EPHX4: variants seen among roughly 807,000 people sequenced by gnomAD.
The protein encoded by EPHX4 is epoxide hydrolase 4, also known as abhydrolase domain containing 7.
A neutral mutation model predicts 44.9 loss-of-function variants in EPHX4; 31 were observed. That is an observed-to-expected ratio of 0.69 (90% CI 0.52 to 0.93). EPHX4 has a LOEUF of 0.93. Among genes scored for constraint, EPHX4 ranks in the 40% least tolerant of loss-of-function variants. EPHX4 has a pLI of 0.00. For synonymous variants in EPHX4, 151 were observed against 159.7 expected, an observed-to-expected ratio of 0.95 and a Z score of 0.41; for missense variants, 373 against 438.1, an observed-to-expected ratio of 0.85 and a Z score of 1.33.
At chr1:92,030,483 T>TGTGTGTGA (rs745435867) in intron 1 of EPHX4, among the ~76,000 whole-genome samples, 173 bp downstream of exon 1, 10 of 138,652 alleles carry the variant, frequency 7.2e-5, no homozygotes, top group Admixed American at 2.1e-4. Context: ...TGTGTGTGTG[T>TGTGTGTGA]GTGAGAGAGA....
chr1:92,058,382 G>T (rs1647418020), intron 6 of EPHX4, among the ~76,000 whole-genome samples: 1 of 151,550 alleles, frequency 6.6e-6, no homozygotes, highest in Admixed American at 6.6e-5. Context: ...TGGAGGTTGT[G>T]GTGAGCCAAG....
chr1:92,062,832 C>T (rs1243586713), intron 6 of EPHX4, among the ~76,000 whole-genome samples: 1 of 151,938 alleles, frequency 6.6e-6, no homozygotes, highest in East Asian at 1.9e-4. Context: ...CCCTAATCAC[C>T]CCCACCCTGT....
rs541515817 is a variant in EPHX4, at chr1:92,049,853, C to CT, written c.605-461dup. Among the ~76,000 whole-genome samples, 735 of 152,204 alleles carry CT rather than the reference C, an allele frequency of 4.8e-3. 4 individuals carry two copies. Among genetic ancestry groups the CT allele is most frequent in the South Asian group, 0.017 (83 of 4,820 alleles). On this transcript the variant is annotated intron_variant, in intron 4 of 6. Coordinates refer to ENST00000370383, the MANE Select transcript of EPHX4 (RefSeq NM_173567.5). ...GTGGCTCATGCCTGTAATCCCAGCA[C>CT]TTTGGGAGGCCGAGGTGGGCAGATC...
At chr1:92,032,681 T>G in intron 2 of EPHX4, 91 bp downstream of exon 2, 1 of 1,077,756 alleles carries the variant, frequency 9.3e-7, no homozygotes. Context: ...TATCACAGTC[T>G]GGGTAACTTA....
At chr1:92,049,764 C>T (rs1647213872) in intron 4 of EPHX4, among the ~76,000 whole-genome samples, 1 of 152,086 alleles carries the variant, frequency 6.6e-6, no homozygotes, top group Non-Finnish European at 1.5e-5. Flanking sequence ...CTTCCTGTTC[C>T]CTTTTGAGTC....
chr1:92,053,478 G>A (rs1647300590), intron 6 of EPHX4, among the ~76,000 whole-genome samples: 1 of 152,158 alleles, frequency 6.6e-6, no homozygotes, highest in Non-Finnish European at 1.5e-5. Flanking sequence ...CAACCTACAT[G>A]TGTATTTGAA....
intron 6 of EPHX4, among the ~76,000 whole-genome samples, chr1:92,055,118 A>G (rs1647334074): frequency 6.6e-6 from 1 of 152,218 alleles, no homozygotes; most frequent in African/African-American, 2.4e-5. Flanking sequence ...ACTATCAAAA[A>G]GGCAGAAAGG....
At chr1:92,059,746 G>T (rs1357399837) in intron 6 of EPHX4, among the ~76,000 whole-genome samples, 2 of 151,870 alleles carry the variant, frequency 1.3e-5, no homozygotes, top group Non-Finnish European at 2.9e-5. Context: ...AAATTCTAAG[G>T]CATATAGGAA....
chr1:92,063,175 C>T lies in EPHX4; in HGVS notation c.978C>T (p.Phe326=), dbSNP rs1178673796. 2 of 1,614,126 alleles carry T rather than the reference C, an allele frequency of 1.2e-6. No homozygotes were observed. The highest frequency in any genetic ancestry group is 1.7e-6 in the Non-Finnish European group (2 of 1,180,006). Residue 326 remains phenylalanine, a synonymous_variant, in exon 7 of 7, where the codon TTC becomes TTT. Coordinates refer to ENST00000370383, the MANE Select transcript of EPHX4 (RefSeq NM_173567.5). ...EVTKIYVKNY[F]RLTILSEASH... ...CAAAGATTTATGTTAAAAACTATTT[C>T]AGGCTAACTATTTTGTCAGAAGCCA...
chr1:92,033,434 A>G (rs1453840996), intron 2 of EPHX4, among the ~76,000 whole-genome samples: 1 of 152,194 alleles, frequency 6.6e-6, no homozygotes, highest in Non-Finnish European at 1.5e-5. Context: ...ACTATAGACA[A>G]AATACAACAC....
intron 6 of EPHX4, among the ~76,000 whole-genome samples, chr1:92,056,151 C>T (rs867083727): frequency 2.0e-5 from 3 of 151,994 alleles, no homozygotes; most frequent in Non-Finnish European, 4.4e-5. Context: ...CTCTCTGACC[C>T]CCCTCTGAGT....
chr1:92,039,757 G>A (rs377448117), intron 2 of EPHX4, among the ~76,000 whole-genome samples: 12 of 151,928 alleles, frequency 7.9e-5, no homozygotes, highest in African/African-American at 2.9e-4. Context: ...GGGTTCAAGC[G>A]ATTCTCCTGC....
intron 6 of EPHX4, among the ~76,000 whole-genome samples, chr1:92,060,446 AAAAAAAAT>A (rs983447879): frequency 2.0e-4 from 30 of 151,858 alleles, no homozygotes; most frequent in African/African-American, 6.8e-4. Flanking sequence ...TGTCTCAAAA[AAAAAAAAT>A]AGTTTTTAAA....
intron 3 of EPHX4, 66 bp from the exon 4 acceptor site, chr1:92,045,466 A>T (rs1197684537): frequency 6.4e-7 from 1 of 1,567,154 alleles, no homozygotes; most frequent in African/African-American, 1.4e-5. Flanking sequence ...TAACTATTTT[A>T]TGTGAGGTAA....
rs111777450 is a variant in EPHX4 at position 92,052,700 on chromosome 1, C to T, written c.857+42C>T. On this transcript the variant is annotated intron_variant, in intron 6 of 6. Transcript: ENST00000370383. Reference sequence around the variant, plus strand: ...TTTAGTTAAATAAAAATATTTCAGTCTGATCCTACAGGGACAATATTTTAT... The same window carrying T: ...TTTAGTTAAATAAAAATATTTCAGTTTGATCCTACAGGGACAATATTTTAT... The T allele has an allele frequency of 2.2e-4, 334 of 1,509,356 alleles. 2 individuals are homozygous for T. In the African/African-American group the frequency reaches 4.4e-3, roughly 20 times the overall value. 93.5% of individuals were successfully genotyped at this position (1,509,356 alleles called of 1,614,324 possible). A position where few individuals can be genotyped will look rare whatever the true frequency, so the allele number is the denominator to read the frequency against.
intron 2 of EPHX4, among the ~76,000 whole-genome samples, chr1:92,036,638 A>C (rs1688441995): frequency 6.6e-6 from 1 of 152,216 alleles, no homozygotes. Context: ...CTGTTCACTA[A>C]ATCTGTCATT....
At chr1:92,058,495 G>A (rs1381472084) in intron 6 of EPHX4, among the ~76,000 whole-genome samples, 3 of 151,782 alleles carry the variant, frequency 2.0e-5, no homozygotes, top group Non-Finnish European at 4.4e-5. Flanking sequence ...AGATTAAAGG[G>A]GAAAATATGA....
At chr1:92,042,791 T>C (rs769414129) in intron 2 of EPHX4, 32 bp from the exon 3 acceptor site, 1 of 1,579,068 alleles carries the variant, frequency 6.3e-7, no homozygotes, top group Non-Finnish European at 8.6e-7. Flanking sequence ...CTAGCTAATA[T>C]GATATTTTAA....
intron 2 of EPHX4, among the ~76,000 whole-genome samples, chr1:92,037,074 G>A (rs762679554): frequency 1.3e-5 from 2 of 151,856 alleles, no homozygotes; most frequent in Admixed American, 6.6e-5. Context: ...TTCATGCATG[G>A]CATTTCAAAC....
Sources: gnomAD v4.1 joint callset for allele counts (sites outside exome capture counted in the v4.1 genomes callset) on GRCh38, gnomAD v4.1.1 for gene constraint, MANE v1.5 for transcripts, NCBI Gene and HGNC (gene_info 2026-07-23, HGNC 2026-07-21) for gene names.